Variants in EHMT1 observed in about 807,000 individuals in gnomAD.
EHMT1 encodes histone-lysine N-methyltransferase EHMT1.
Under a neutral mutation model 147.2 loss-of-function variants are expected in EHMT1, and 15 were observed. The ratio of observed to expected loss-of-function variants is 0.10; its 90% CI spans 0.07 to 0.16. The LOEUF (loss-of-function observed/expected upper bound fraction) is 0.16, where lower values mean the gene tolerates loss of function less well. EHMT1 is among the 10% of genes least tolerant of loss of function. The pLI, the probability that EHMT1 is intolerant of heterozygous loss-of-function variation, is 1.00. For missense variants in EHMT1, 1,587 were observed against 1,772.4 expected, an observed-to-expected ratio of 0.90 and a Z score of 1.88; for synonymous variants, 795 against 709.6, an observed-to-expected ratio of 1.12 and a Z score of -1.91.
chr9:137,729,969 C>G (rs150615099), intron 4 of EHMT1, among the ~76,000 whole-genome samples: 2 of 152,192 alleles, frequency 1.3e-5, no homozygotes, highest in Admixed American at 1.3e-4. Flanking sequence ...TCTAGAGCTT[C>G]GAGCACCTAG....
At chr9:137,695,316 A>G (rs542884035) in intron 1 of EHMT1, among the ~76,000 whole-genome samples, 2 of 152,194 alleles carry the variant, frequency 1.3e-5, no homozygotes, top group South Asian at 4.2e-4. Context: ...CAGAGCTTGG[A>G]TTGCTGTGAG....
At chr9:137,814,763 G>A (rs1954787664) in intron 22 of EHMT1, 1 of 596,518 alleles carries the variant, frequency 1.7e-6, no homozygotes, top group Admixed American at 2.8e-5. Flanking sequence ...TGGTGGCGGG[G>A]GTGGGCAGCG....
At chr9:137,633,784 T>G (rs372401204) in intron 1 of EHMT1, among the ~76,000 whole-genome samples, 1 of 151,872 alleles carries the variant, frequency 6.6e-6, no homozygotes, top group Non-Finnish European at 1.5e-5. Flanking sequence ...TTTTTGCAAA[T>G]ATTTTTTCTC....
chr9:137,804,741 T>A (rs933250546), intron 18 of EHMT1, among the ~76,000 whole-genome samples: 3 of 152,226 alleles, frequency 2.0e-5, no homozygotes, highest in Non-Finnish European at 2.9e-5. Flanking sequence ...TTATTATAGT[T>A]GACTTTTGTA....
intron 1 of EHMT1, among the ~76,000 whole-genome samples, chr9:137,684,999 A>G (rs1942301946): frequency 6.6e-6 from 1 of 152,164 alleles, no homozygotes; most frequent in Non-Finnish European, 1.5e-5. Flanking sequence ...CATAGCCACA[A>G]ATTAAAGAAA....
intron 25 of EHMT1, among the ~76,000 whole-genome samples, chr9:137,818,624 C>T (rs112777766): frequency 3.4e-5 from 2 of 59,466 alleles, no homozygotes; most frequent in Non-Finnish European, 5.6e-5. Flanking sequence ...GTAGAGAGGC[C>T]GACTGAGGGG....
At chr9:137,822,776 C>G (rs1208962874) in intron 25 of EHMT1, among the ~76,000 whole-genome samples, 1 of 151,920 alleles carries the variant, frequency 6.6e-6, no homozygotes, top group Non-Finnish European at 1.5e-5. Context: ...GCCTGTAATC[C>G]CAGTTACTCG....
At chr9:137,649,948 A>G (rs1845187136) in intron 1 of EHMT1, among the ~76,000 whole-genome samples, 3 of 152,224 alleles carry the variant, frequency 2.0e-5, no homozygotes, top group Admixed American at 2.0e-4. Flanking sequence ...TCTCTGTGTT[A>G]CTTCTTACAA....
chr9:137,722,142 C>T (rs373069907), intron 3 of EHMT1, among the ~76,000 whole-genome samples: 94 of 152,274 alleles, frequency 6.2e-4, no homozygotes, highest in African/African-American at 2.2e-3. Flanking sequence ...GTACATCATT[C>T]GTCTCTCTGA....
At chr9:137,712,313 C>T (rs535265233) in intron 2 of EHMT1, among the ~76,000 whole-genome samples, 1 of 152,328 alleles carries the variant, frequency 6.6e-6, no homozygotes, top group Admixed American at 6.5e-5. Context: ...TAGGCTTTGC[C>T]TGTGCCCTGT....
At chr9:137,672,812 C>T (rs1397253665) in intron 1 of EHMT1, among the ~76,000 whole-genome samples, 1 of 152,068 alleles carries the variant, frequency 6.6e-6, no homozygotes, top group Non-Finnish European at 1.5e-5. Flanking sequence ...GTTTGTTTTC[C>T]CATGCTATCT....
chr9:137,750,177 A>G (rs919105831), intron 6 of EHMT1, among the ~76,000 whole-genome samples: 1 of 152,258 alleles, frequency 6.6e-6, no homozygotes, highest in Non-Finnish European at 1.5e-5. Flanking sequence ...ATTTTCCTGT[A>G]TAGCTGCAAT....
At chr9:137,712,081 G>A (rs576859077) in intron 2 of EHMT1, among the ~76,000 whole-genome samples, 7 of 152,258 alleles carry the variant, frequency 4.6e-5, no homozygotes, top group East Asian at 1.9e-4. Flanking sequence ...CACCTCCTGC[G>A]CCATCCACCT....
intron 10 of EHMT1, among the ~76,000 whole-genome samples, chr9:137,774,813 T>C (rs1950841822): frequency 1.3e-5 from 2 of 151,818 alleles, no homozygotes; most frequent in African/African-American, 4.8e-5. Flanking sequence ...GCCCCCTGGA[T>C]CTGGTGGGTG....
intron 1 of EHMT1, among the ~76,000 whole-genome samples, chr9:137,630,726 T>C (rs1424919514): frequency 1.3e-5 from 2 of 152,182 alleles, no homozygotes; most frequent in Non-Finnish European, 2.9e-5. Flanking sequence ...AGCTGCATGG[T>C]GTGTGACATA....
At chr9:137,713,208 C>A (rs1386806448) in intron 2 of EHMT1, among the ~76,000 whole-genome samples, 2 of 151,978 alleles carry the variant, frequency 1.3e-5, no homozygotes, top group African/African-American at 4.8e-5. Flanking sequence ...GCAATCCTAC[C>A]ACCTCAGCCT....
intron 1 of EHMT1, among the ~76,000 whole-genome samples, chr9:137,691,324 T>TATATAA (rs950554522): frequency 6.7e-6 from 1 of 149,276 alleles, no homozygotes; most frequent in African/African-American, 2.4e-5. Flanking sequence ...TATATATATA[T>TATATAA]AAAATATATT....
At chr9:137,757,439 T>C (rs1198356742) in intron 8 of EHMT1, among the ~76,000 whole-genome samples, 2 of 152,264 alleles carry the variant, frequency 1.3e-5, no homozygotes, top group Admixed American at 6.5e-5. Flanking sequence ...CATGGCACCT[T>C]GGGCCATCTC....
chr9:137,765,557 A>C (rs1425219028), intron 10 of EHMT1, among the ~76,000 whole-genome samples: 2 of 152,186 alleles, frequency 1.3e-5, no homozygotes, highest in East Asian at 3.9e-4. Context: ...GACCATACAA[A>C]ACAAACATTG....
Sources: allele counts gnomAD v4.1 joint callset (sites outside exome capture counted in the v4.1 genomes callset), GRCh38; gene constraint gnomAD v4.1.1; transcripts MANE v1.5; gene names NCBI Gene and HGNC (gene_info 2026-07-23, HGNC 2026-07-21).